Variants in LRRC46 observed in about 807,000 individuals in gnomAD.
LRRC46 encodes leucine-rich repeat-containing protein 46.
Under a neutral mutation model 28.0 loss-of-function variants are expected in LRRC46, and 20 were observed. That is an observed-to-expected ratio of 0.71 (90% CI 0.50 to 1.04). LRRC46 has a LOEUF of 1.04. Ranked by LOEUF, LRRC46 falls within the 50% of genes least tolerant of loss-of-function variation. The pLI is 0.00. For synonymous variants in LRRC46, 156 were observed against 158.8 expected, an observed-to-expected ratio of 0.98 and a Z score of 0.13; for missense variants, 315 against 390.1, an observed-to-expected ratio of 0.81 and a Z score of 1.62.
chr17:47,831,777 C>A lies in LRRC46; in HGVS notation c.-213C>A. The A allele has an allele frequency of 1.5e-6, 1 of 670,518 alleles. No individual in the cohort carries two copies. Among genetic ancestry groups the A allele is most frequent in the Non-Finnish European group, 2.6e-6 (1 of 389,982 alleles). 41.5% of individuals were successfully genotyped at this position (670,518 alleles called of 1,614,324 possible). On this transcript the variant is annotated 5_prime_UTR_variant, in exon 1 of 8. Transcript: ENST00000269025. Reference sequence around the variant, plus strand: ...GCTTGCTGCCAGCAAAGCCCCTCCACACCCCTCAAACTCCAGACCCTTCAC... The same window carrying A: ...GCTTGCTGCCAGCAAAGCCCCTCCAAACCCCTCAAACTCCAGACCCTTCAC...
Position 47,836,314 on chromosome 17 carries a change from TG to T in LRRC46, c.453-18del. 1 of 1,613,200 alleles carries T rather than the reference TG, an allele frequency of 6.2e-7. No homozygotes were observed. The highest frequency in any genetic ancestry group is 8.5e-7 in the Non-Finnish European group (1 of 1,179,840). On this transcript the variant is annotated intron_variant, in intron 6 of 7. Transcript: ENST00000269025. The surrounding 1 kb of genome is among the most constrained non-coding windows in gnomAD (Gnocchi z 5.8). ...CCAGGGTGCCCTCCTGGGTAACCTCTGCTCCTTCTGCTCTGCAGCGAGCTGG... is the reference window on the plus strand; with the variant it reads ...CCAGGGTGCCCTCCTGGGTAACCTCTCTCCTTCTGCTCTGCAGCGAGCTGG...
intron 2 of LRRC46, among the ~76,000 whole-genome samples, chr17:47,833,691 A>G (rs1206801076): frequency 6.7e-6 from 1 of 150,244 alleles, no homozygotes; most frequent in African/African-American, 2.4e-5. Flanking sequence ...ACCTCAGGCA[A>G]TCCACCCACC....
chr17:47,835,170 C>T (rs1405797441), intron 3 of LRRC46, 183 bp from the exon 4 acceptor site: 3 of 707,690 alleles, frequency 4.2e-6, no homozygotes, highest in Non-Finnish European at 7.7e-6. Flanking sequence ...TAACCATCCA[C>T]ATGGGGAAAG....
intron 2 of LRRC46, 80 bp from the exon 3 acceptor site, chr17:47,834,345 C>A: frequency 9.6e-7 from 1 of 1,040,130 alleles, no homozygotes; most frequent in Non-Finnish European, 1.4e-6. Flanking sequence ...AAACCCCTTC[C>A]CTCCTCCGTC....
Position 47,837,535 on chromosome 17 carries a change from C to T in LRRC46, c.*415C>T, listed in dbSNP as rs953782208. On this transcript the variant is annotated 3_prime_UTR_variant, in exon 8 of 8. Transcript: ENST00000269025. ...CCTAGTCATCCCCAACAGCAGCCAG[C>T]TCCTGTCCCCTCCCTGTCCTCCTGC... 7.0e-6 allele frequency: 3 copies of T among 430,308 alleles called. No homozygotes were observed. Among genetic ancestry groups the T allele is most frequent in the Non-Finnish European group, 1.2e-5 (3 of 243,186 alleles). The allele number at this position is 430,308 out of a possible 1,614,324, so 26.7% of individuals were successfully genotyped here. A position where few individuals can be genotyped will look rare whatever the true frequency, so the allele number is the denominator to read the frequency against.
At position 47,831,679 on chromosome 17, in the gene LRRC46, C is replaced by G. The variant is rs1273692069; in HGVS notation, c.-311C>G. 3 of 698,744 alleles carry G rather than the reference C, an allele frequency of 4.3e-6. No homozygotes were observed. Among genetic ancestry groups the G allele is most frequent in the Admixed American group, 2.9e-5 (1 of 34,220 alleles). 43.3% of individuals were successfully genotyped at this position (698,744 alleles called of 1,614,324 possible). On this transcript the variant is annotated 5_prime_UTR_variant, in exon 1 of 8. Coordinates refer to ENST00000269025, the MANE Select transcript of LRRC46 (RefSeq NM_033413.4). ...CCGCCTTTACCTCCCCACTCGGCGTCCAGTCTCTTAGCAACGACTCCGGCT... is the reference window on the plus strand; with the variant it reads ...CCGCCTTTACCTCCCCACTCGGCGTGCAGTCTCTTAGCAACGACTCCGGCT...
rs373351041 is a variant in LRRC46 at position 47,836,798 on chromosome 17, G to A, written c.644G>A (p.Arg215Gln). 34 of 1,613,750 alleles carry A rather than the reference G, an allele frequency of 2.1e-5. No homozygotes were observed. In the African/African-American group the frequency reaches 2.3e-4, roughly 11 times the overall value. Residue 215 changes from arginine (R) to glutamine (Q), a missense_variant, in exon 8 of 8, where the codon CGG (arginine) becomes CAG (glutamine). Transcript: ENST00000269025. This position sits in a 1 kb window ranked among gnomAD's most constrained non-coding sequence, Gnocchi z 5.8. ...EQELSRHREH[R>Q]QQTALTEHLL... ...GAGCTGAGCAGGCACAGGGAGCACC[G>A]GCAACAGACGGCCCTGACAGAGCAC...
Position 47,837,234 on chromosome 17 carries a change from T to C in LRRC46, c.*114T>C. On this transcript the variant is annotated 3_prime_UTR_variant, in exon 8 of 8. Coordinates refer to ENST00000269025, the MANE Select transcript of LRRC46 (RefSeq NM_033413.4). ...GTAAAGTGTCTCTAGGCCCTGAGTA[T>C]GCTTTTCATGTCACTTGGGGTATCT... The C allele has an allele frequency of 7.9e-6, 11 of 1,391,034 alleles. No individual in the cohort carries two copies. Among genetic ancestry groups the C allele is most frequent in the South Asian group, 2.8e-5 (2 of 72,342 alleles). The allele number at this position is 1,391,034 out of a possible 1,614,324, so 86.2% of individuals were successfully genotyped here.
Position 47,835,780 on chromosome 17 carries a change from G to A in LRRC46, c.382+5G>A. On this transcript the variant is annotated splice_donor_5th_base_variant and intron_variant, in intron 5 of 7. Coordinates refer to ENST00000269025, the MANE Select transcript of LRRC46 (RefSeq NM_033413.4). ...TGATAGAAACATTGAAGCTGGGTAG[G>A]AACCCACTCGCCCTGGCTCACCAAA... 1 of 1,611,630 alleles carries A rather than the reference G, an allele frequency of 6.2e-7. No homozygotes were observed. Among genetic ancestry groups the A allele is most frequent in the Non-Finnish European group, 8.5e-7 (1 of 1,177,732 alleles).
chr17:47,834,357 C>T (rs1598044246), intron 2 of LRRC46, 68 bp from the exon 3 acceptor site: 1 of 1,163,458 alleles, frequency 8.6e-7, no homozygotes, highest in Non-Finnish European at 1.2e-6. Flanking sequence ...TCCTCCGTCT[C>T]CCATCCTCCC....
In LRRC46 at chr17:47,837,584, C is replaced by T; in HGVS notation, c.*464C>T. On this transcript the variant is annotated 3_prime_UTR_variant, in exon 8 of 8. Transcript: ENST00000269025. ...GCCCAGTCCCCATCACTCACCCACT[C>T]ATAGGAATGAGTACACAACCACAGG... The T allele has an allele frequency of 2.0e-6, 1 of 505,748 alleles. No individual in the cohort carries two copies. The highest frequency in any genetic ancestry group is 2.7e-5 in the South Asian group (1 of 37,576). The allele number at this position is 505,748 out of a possible 1,614,324, so 31.3% of individuals were successfully genotyped here.
intron 2 of LRRC46, among the ~76,000 whole-genome samples, chr17:47,833,419 A>G (rs927773103): frequency 4.4e-5 from 6 of 137,344 alleles, no homozygotes; most frequent in Non-Finnish European, 9.3e-5. Flanking sequence ...TCTGTTATCC[A>G]CTTGTCATAG....
chr17:47,834,033 C>T (rs1209160182), intron 2 of LRRC46: 28 of 991,214 alleles, frequency 2.8e-5, no homozygotes, highest in African/African-American at 3.5e-5. Context: ...TCTCCATGAA[C>T]GACTCAAAAG....
At position 47,836,976 on chromosome 17, in the gene LRRC46, C is replaced by G. The variant is rs762571027; in HGVS notation, c.822C>G (p.Thr274=). The part of the protein sequence containing the change: ...AVSSPQASSP[T]KKPCSLIPRG... Reference sequence around the variant, plus strand: ...CCTCACCCCAGGCCTCCTCTCCCACCAAGAAACCATGCAGTCTGATTCCCA... The same window carrying G: ...CCTCACCCCAGGCCTCCTCTCCCACGAAGAAACCATGCAGTCTGATTCCCA... Residue 274 remains threonine, a synonymous_variant, in exon 8 of 8, where the codon ACC becomes ACG. Coordinates refer to ENST00000269025, the MANE Select transcript of LRRC46 (RefSeq NM_033413.4). The surrounding 1 kb of genome is among the most constrained non-coding windows in gnomAD (Gnocchi z 5.8). 1 of 1,613,554 alleles carries G rather than the reference C, an allele frequency of 6.2e-7. No individual in the cohort carries two copies. Among genetic ancestry groups the G allele is most frequent in the South Asian group, 1.1e-5 (1 of 91,064 alleles).
rs967104910 is a variant in LRRC46 at position 47,837,396 on chromosome 17, G to A, written c.*276G>A. ...TGCCTCAGGCCCCCGCTGGCTTCCT[G>A]GCTCCCACTTGGGCAGGAAGCGGGC... On this transcript the variant is annotated 3_prime_UTR_variant, in exon 8 of 8. Coordinates refer to ENST00000269025, the MANE Select transcript of LRRC46 (RefSeq NM_033413.4). 3.0e-5 allele frequency: 14 copies of A among 467,066 alleles called. No homozygotes were observed. The highest frequency in any genetic ancestry group is 4.5e-5 in the Non-Finnish European group (12 of 268,164). The allele number at this position is 467,066 out of a possible 1,614,324, so 28.9% of individuals were successfully genotyped here.
rs549661113 is a variant in LRRC46 at position 47,836,214 on chromosome 17, C to G, written c.452+112C>G. 104 of 1,570,372 alleles carry G rather than the reference C, an allele frequency of 6.6e-5. No individual in the cohort carries two copies. In the Admixed American group the frequency reaches 1.3e-3, roughly 20 times the overall value. On this transcript the variant is annotated intron_variant, in intron 6 of 7. Coordinates refer to ENST00000269025, the MANE Select transcript of LRRC46 (RefSeq NM_033413.4). This position sits in a 1 kb window ranked among gnomAD's most constrained non-coding sequence, Gnocchi z 5.8. The stretch of plus-strand genomic sequence containing the variant: ...GTCCTGTCCATGACACCTTCTCCCC[C>G]ACCTCCTACCTAGCTCATGAGCCAC...
chr17:47,836,118 T>A lies in LRRC46; in HGVS notation c.452+16T>A. 1 of 1,613,656 alleles carries A rather than the reference T, an allele frequency of 6.2e-7. No homozygotes were observed. The highest frequency in any genetic ancestry group is 8.5e-7 in the Non-Finnish European group (1 of 1,179,744). On this transcript the variant is annotated intron_variant, in intron 6 of 7. Coordinates refer to ENST00000269025, the MANE Select transcript of LRRC46 (RefSeq NM_033413.4). This position sits in a 1 kb window ranked among gnomAD's most constrained non-coding sequence, Gnocchi z 5.8. The stretch of plus-strand genomic sequence containing the variant: ...ATGGCTACCGGTAAGGAGTGGAGGG[T>A]GGGAAGAAAGGTCATGGCTGAGCTC...
In LRRC46 at chr17:47,836,739, G is replaced by C; in HGVS notation, c.596-11G>C. 1 of 1,612,464 alleles carries C rather than the reference G, an allele frequency of 6.2e-7. No individual in the cohort carries two copies. The highest frequency in any genetic ancestry group is 8.5e-7 in the Non-Finnish European group (1 of 1,179,540). On this transcript the variant is annotated splice_polypyrimidine_tract_variant and intron_variant, in intron 7 of 7. Transcript: ENST00000269025. The surrounding 1 kb of genome is among the most constrained non-coding windows in gnomAD (Gnocchi z 5.8). The stretch of plus-strand genomic sequence containing the variant: ...ACCCACCCTGTACCCTCCACCCCCG[G>C]CCCCTCCCAGGCTTCCTCAAGGAGC...
In LRRC46 at chr17:47,837,218, C is replaced by G; in HGVS notation, c.*98C>G. 1 of 1,490,106 alleles carries G rather than the reference C, an allele frequency of 6.7e-7. No homozygotes were observed. The highest frequency in any genetic ancestry group is 9.0e-7 in the Non-Finnish European group (1 of 1,108,360). The allele number at this position is 1,490,106 out of a possible 1,614,324, so 92.3% of individuals were successfully genotyped here. ...CAGAAGCCCATCCCCAGTAAAGTGT[C>G]TCTAGGCCCTGAGTATGCTTTTCAT... On this transcript the variant is annotated 3_prime_UTR_variant, in exon 8 of 8. Transcript: ENST00000269025.
Sources: allele counts gnomAD v4.1 joint callset (sites outside exome capture counted in the v4.1 genomes callset), GRCh38; gene constraint gnomAD v4.1.1; non-coding constraint Gnocchi (gnomAD v3.1); transcripts MANE v1.5; gene names NCBI Gene and HGNC (gene_info 2026-07-23, HGNC 2026-07-21).